CCDC183: variants seen among roughly 807,000 people sequenced by gnomAD.
The protein encoded by CCDC183 is coiled-coil domain containing 183.
In CCDC183, 63 loss-of-function variants were observed where a neutral mutation model predicts 65.2. The ratio of observed to expected loss-of-function variants is 0.97; its 90% confidence interval spans 0.79 to 1.19. The LOEUF (loss-of-function observed/expected upper bound fraction) is 1.19. CCDC183 is among the 50% of genes most tolerant of loss of function. CCDC183 has a pLI of 0.00. For missense variants in CCDC183, 769 were observed against 689.3 expected, an observed-to-expected ratio of 1.12 and a Z score of -1.30; for synonymous variants, 323 against 276.5, an observed-to-expected ratio of 1.17 and a Z score of -1.67.
In CCDC183 at chr9:136,804,672, A is replaced by C. The variant is rs1847810867; in HGVS notation, c.792+45A>C. ...CTGGCTGGCTGCCCATCCCCATGAC[A>C]GCTGGGTGGACACAGGCTCAGGGCC... On this transcript the variant is annotated intron_variant, in intron 7 of 13. Transcript: ENST00000338005. This position sits in a 1 kb window ranked among gnomAD's most constrained non-coding sequence, Gnocchi z 4.1. 1.9e-6 allele frequency: 3 copies of C among 1,612,810 alleles called. No homozygotes were observed. In the South Asian group the frequency reaches 3.3e-5, roughly 18 times the overall value.
chr9:136,804,518 G>A lies in CCDC183; in HGVS notation c.683G>A (p.Arg228Lys), dbSNP rs771264053. 9 of 1,612,910 alleles carry A rather than the reference G, an allele frequency of 5.6e-6. No homozygotes were observed. The East Asian group carries it at 1.8e-4, about 32-fold the overall frequency. ...TGTCCCCAGAGGAACATGAGGCAAA[G>A]GGAGGCGTCCTTCATCGAGGAGCGC... ...TDEVKRNMRQ[R>K]EASFIEERRA... Residue 228 changes from arginine to lysine, a missense_variant, in exon 7 of 14, where the codon AGG becomes AAG. By Grantham distance (26) the Arg-to-Lys change is conservative. Coordinates refer to ENST00000338005, the MANE Select transcript of CCDC183 (RefSeq NM_001039374.5). This position sits in a 1 kb window ranked among gnomAD's most constrained non-coding sequence, Gnocchi z 4.1.
intron 3 of CCDC183, 94 bp from the exon 4 acceptor site, chr9:136,799,908 G>A: frequency 6.6e-7 from 1 of 1,518,682 alleles, no homozygotes; most frequent in South Asian, 1.2e-5. Flanking sequence ...GGTTCCCTGT[G>A]GGGTTGCCAC....
chr9:136,804,490 G>C lies in CCDC183; in HGVS notation c.667-12G>C, dbSNP rs146481287. ...CAGCTCCCCAACCCTGTGCCCACCCGCATGTCCCCAGAGGAACATGAGGCA... is the reference window on the plus strand; with the variant it reads ...CAGCTCCCCAACCCTGTGCCCACCCCCATGTCCCCAGAGGAACATGAGGCA... On this transcript the variant is annotated splice_polypyrimidine_tract_variant and intron_variant, in intron 6 of 13. Transcript: ENST00000338005. This position sits in a 1 kb window ranked among gnomAD's most constrained non-coding sequence, Gnocchi z 4.1. 2 of 1,610,314 alleles carry C rather than the reference G, an allele frequency of 1.2e-6. No individual in the cohort carries two copies. The highest frequency in any genetic ancestry group is 1.3e-5 in the African/African-American group (1 of 74,886).
At chr9:136,807,291 G>A in intron 13 of CCDC183, 2 of 644,818 alleles carry the variant, frequency 3.1e-6, no homozygotes, top group East Asian at 2.7e-5. Flanking sequence ...GAGGAGGCAT[G>A]CCATGCCAGA....
At chr9:136,800,198 C>T in intron 4 of CCDC183, 29 bp downstream of exon 4, 1 of 451,212 alleles carries the variant, frequency 2.2e-6, no homozygotes, top group Non-Finnish European at 3.4e-6. Context: ...GAGGGCGGGG[C>T]GGAGTCCACT....
chr9:136,805,543 A>C (rs1847828835), intron 9 of CCDC183, 86 bp downstream of exon 9: 5 of 1,258,990 alleles, frequency 4.0e-6, no homozygotes, highest in Non-Finnish European at 5.7e-6. Context: ...CTCCCGGAGC[A>C]TGGCAGGAGG....
Position 136,800,407 on chromosome 9 carries a change from A to C in CCDC183, c.457A>C (p.Asn153His), listed in dbSNP as rs754068991. The C allele has an allele frequency of 6.2e-7, 1 of 1,611,692 alleles. No individual in the cohort carries two copies. Among genetic ancestry groups the C allele is most frequent in the Admixed American group, 1.7e-5 (1 of 59,806 alleles). The change falls in exon 5 of 14, where the codon AAC (asparagine) becomes CAC (histidine). Residue 153 changes from asparagine to histidine, a missense_variant. Asn to His is a moderately conservative substitution (Grantham distance 68). Transcript: ENST00000338005. ...GCCCCAGATCATCCGCCAGCTGGAGAACAACATCGAGAAGACAATGATCAA... is the reference window on the plus strand; with the variant it reads ...GCCCCAGATCATCCGCCAGCTGGAGCACAACATCGAGAAGACAATGATCAA... ...RLLQIIRQLE[N>H]NIEKTMIKII... is the part of the protein sequence containing the mutation.
Position 136,800,074 on chromosome 9 carries a change from C to T in CCDC183, c.343C>T (p.Arg115Trp), listed in dbSNP as rs1489582424. The T allele has an allele frequency of 1.3e-6, 2 of 1,574,398 alleles. No homozygotes were observed. The highest frequency in any genetic ancestry group is 1.9e-5 in the Admixed American group (1 of 54,008). The change falls in exon 4 of 14, where the codon CGG becomes TGG. Residue 115 changes from arginine (R) to tryptophan (W), a missense_variant. Coordinates refer to ENST00000338005, the MANE Select transcript of CCDC183 (RefSeq NM_001039374.5). Reference sequence around the variant, plus strand: ...GCACAACCTACTGATCCACCTGGTGCGGCGGCGCGGGCAGAAGCTGGAGAG... The same window carrying T: ...GCACAACCTACTGATCCACCTGGTGTGGCGGCGCGGGCAGAAGCTGGAGAG... ...NMHNLLIHLV[R>W]RRGQKLESMQ...
At chr9:136,800,211 G>T in intron 4 of CCDC183, 42 bp downstream of exon 4, 1 of 1,404,438 alleles carries the variant, frequency 7.1e-7, no homozygotes, top group Non-Finnish European at 9.6e-7. Flanking sequence ...AGTCCACTGG[G>T]GCAAGACTCA....
chr9:136,800,463 G>A lies in CCDC183; in HGVS notation c.513G>A (p.Leu171=), dbSNP rs964942419. The A allele has an allele frequency of 3.1e-6, 5 of 1,611,422 alleles. No homozygotes were observed. The highest frequency in any genetic ancestry group is 2.2e-5 in the East Asian group (1 of 44,800). Residue 171 remains leucine (L), a synonymous_variant, in exon 5 of 14, where the codon CTG becomes CTA. Transcript: ENST00000338005. Reference sequence around the variant, plus strand: ...TCACCAGCCAGAACATCCACCTGCTGTATTTGGACCTGCTGGATTATCTGA... The same window carrying A: ...TCACCAGCCAGAACATCCACCTGCTATATTTGGACCTGCTGGATTATCTGA... The part of the protein sequence containing the change: ...KIITSQNIHL[L]YLDLLDYLKT...
At chr9:136,802,525 C>A (rs1847751802) in intron 5 of CCDC183, 139 bp from the exon 6 acceptor site, 1 of 1,233,010 alleles carries the variant, frequency 8.1e-7, no homozygotes, top group Non-Finnish European at 1.1e-6. Context: ...ACCGTTGTGC[C>A]CAGCGGGGAG....
At chr9:136,797,844 A>G (rs1847675837) in intron 1 of CCDC183, among the ~76,000 whole-genome samples, 1 of 149,214 alleles carries the variant, frequency 6.7e-6, no homozygotes, top group South Asian at 2.1e-4. Context: ...GTTTGGAGAC[A>G]GAGTCTCGCT....
rs767984904 is a variant in CCDC183, at chr9:136,806,768, G to A, written c.1290G>A (p.Val430=). 10 of 1,613,438 alleles carry A rather than the reference G, an allele frequency of 6.2e-6. No homozygotes were observed. The East Asian group carries it at 2.0e-4, about 32-fold the overall frequency. The change falls in exon 12 of 14, where the codon GTG becomes GTA. Residue 430 remains valine (V), a synonymous_variant. Coordinates refer to ENST00000338005, the MANE Select transcript of CCDC183 (RefSeq NM_001039374.5). ...INLPATQREV[V]LSNTLDLNSK... is the part of the protein sequence containing the mutation. ...CTCCCGGCCTACAGAGAGAAGTGGTGCTCTCCAACACCCTCGATTTGAACA... is the reference window on the plus strand; with the variant it reads ...CTCCCGGCCTACAGAGAGAAGTGGTACTCTCCAACACCCTCGATTTGAACA...
In CCDC183 at chr9:136,800,331, G is replaced by C. The variant is rs1057368519; in HGVS notation, c.439-58G>C. 2.6e-5 allele frequency: 40 copies of C among 1,517,478 alleles called. No homozygotes were observed. In the Middle Eastern group the frequency reaches 5.1e-4, roughly 19 times the overall value. 94.0% of individuals were successfully genotyped at this position (1,517,478 alleles called of 1,614,324 possible). On this transcript the variant is annotated intron_variant, in intron 4 of 13. Coordinates refer to ENST00000338005, the MANE Select transcript of CCDC183 (RefSeq NM_001039374.5). ...CCCTCTCCGGAGAAAACCCAGCCCC[G>C]ACACCCTCCGGGCGGCCGGTCCCCA... is the stretch of plus-strand genomic sequence containing the variant.
rs1246246432 is a variant in CCDC183 at position 136,800,179 on chromosome 9, C to A, written c.438+10C>A. 3.4e-6 allele frequency: 1 copy of A among 294,250 alleles called. No individual in the cohort carries two copies. The highest frequency in any genetic ancestry group is 5.2e-6 in the Non-Finnish European group (1 of 192,646). 18.2% of individuals were successfully genotyped at this position (294,250 alleles called of 1,614,324 possible). A position where few individuals can be genotyped will look rare whatever the true frequency, so the allele number is the denominator to read the frequency against. ...GCTGCGGCTGCTGCAGGTGGAGAGGCGGGGCTGGGAGGGCGGGGCGGAGTC... is the reference window on the plus strand; with the variant it reads ...GCTGCGGCTGCTGCAGGTGGAGAGGAGGGGCTGGGAGGGCGGGGCGGAGTC... On this transcript the variant is annotated intron_variant, in intron 4 of 13. Transcript: ENST00000338005.
intron 13 of CCDC183, 51 bp downstream of exon 13, chr9:136,807,117 A>G (rs888332434): frequency 4.5e-6 from 7 of 1,570,860 alleles, no homozygotes; most frequent in Non-Finnish European, 6.1e-6. Context: ...GCTGGAACAC[A>G]GGTCGGGGTG....
chr9:136,802,642 A>T (rs1564349669), intron 5 of CCDC183, 22 bp from the exon 6 acceptor site: 1 of 1,599,360 alleles, frequency 6.3e-7, no homozygotes, highest in Non-Finnish European at 8.5e-7. Flanking sequence ...TAGGGGCCAC[A>T]AGAGAACCCC....
chr9:136,796,881 C>G (rs1332834068), intron 1 of CCDC183, among the ~76,000 whole-genome samples: 2 of 152,212 alleles, frequency 1.3e-5, no homozygotes, highest in Non-Finnish European at 1.5e-5. Flanking sequence ...TTTCCCCCCA[C>G]TGAGACAGCC....
chr9:136,800,469 G>C lies in CCDC183; in HGVS notation c.519G>C (p.Leu173Phe). The C allele has an allele frequency of 6.2e-7, 1 of 1,611,892 alleles. No individual in the cohort carries two copies. Among genetic ancestry groups the C allele is most frequent in the Non-Finnish European group, 8.5e-7 (1 of 1,178,810 alleles). Residue 173 changes from leucine (L) to phenylalanine (F), a missense_variant, in exon 5 of 14, where the codon TTG (leucine) becomes TTC (phenylalanine). By Grantham distance (22) the Leu-to-Phe change is conservative. Transcript: ENST00000338005. ...GCCAGAACATCCACCTGCTGTATTT[G>C]GACCTGCTGGATTATCTGAAGACAG... is the stretch of plus-strand genomic sequence containing the variant. ...ITSQNIHLLY[L>F]DLLDYLKTVL...
Sources: allele counts gnomAD v4.1 joint callset (sites outside exome capture counted in the v4.1 genomes callset), GRCh38; gene constraint gnomAD v4.1.1; non-coding constraint Gnocchi (gnomAD v3.1); transcripts MANE v1.5; gene names NCBI Gene and HGNC (gene_info 2026-07-23, HGNC 2026-07-21).